Variants in OPHN1 observed in about 807,000 individuals in gnomAD.
The protein encoded by OPHN1 is oligophrenin-1.
OPHN1 carries 11 observed loss-of-function variants against 60.7 expected under a neutral mutation model. That is an observed-to-expected ratio of 0.18 (90% confidence interval 0.11 to 0.30). The LOEUF is 0.30. OPHN1 is among the 10% of genes least tolerant of loss of function. The probability of loss-of-function intolerance (pLI) is 1.00; values close to 1 mark genes in which losing one functional copy is unlikely to be tolerated. For missense variants in OPHN1, 449 were observed against 611.0 expected (o/e 0.73, Z 2.80); for synonymous variants, 226 against 222.6 (o/e 1.02, Z -0.14).
intron 19 of OPHN1, among the ~76,000 whole-genome samples, chrX:68,080,823 G>A (rs181421501): frequency 1.8e-5 from 2 of 111,836 alleles, no homozygotes; most frequent in East Asian, 5.6e-4. Context: ...TCTGTTATAG[G>A]AGGACTTTTC....
chrX:68,265,179 T>C (rs1444382387), intron 5 of OPHN1, among the ~76,000 whole-genome samples: 1 of 111,960 alleles, frequency 8.9e-6, no homozygotes, highest in Non-Finnish European at 1.9e-5. Context: ...TTGAAGAGAC[T>C]AGCAGTTTTC....
intron 19 of OPHN1, among the ~76,000 whole-genome samples, chrX:68,090,082 T>C (rs1355992499): frequency 8.0e-5 from 9 of 112,038 alleles, no homozygotes; most frequent in Admixed American, 7.6e-4. Context: ...TAGAGACTAA[T>C]GAAAATATCC....
intron 3 of OPHN1, among the ~76,000 whole-genome samples, chrX:68,292,815 G>A (rs1256746975): frequency 8.9e-6 from 1 of 111,748 alleles, no homozygotes; most frequent in Non-Finnish European, 1.9e-5. Context: ...GAAGCCCTAT[G>A]CACTCAAGCC....
intron 2 of OPHN1, among the ~76,000 whole-genome samples, chrX:68,317,381 A>AAAGGG (rs2147654365): frequency 2.6e-5 from 2 of 77,094 alleles, no homozygotes; most frequent in East Asian, 3.7e-4. Context: ...GAAAGAAAGG[A>AAAGGG]AGGAAGGAAG....
At position 68,045,352 on chromosome X, in the gene OPHN1, T is replaced by C. The variant is rs1260629365; in HGVS notation, c.*1820A>G. On this transcript the variant is annotated 3_prime_UTR_variant, in exon 25 of 25. Coordinates refer to ENST00000355520, the MANE Select transcript of OPHN1 (RefSeq NM_002547.3). Reference sequence around the variant, plus strand: ...ATGTTCCTAACTCACCAATAAACCATGTTTGGAATTCAGTCTTGAAAATGA... The same window carrying C: ...ATGTTCCTAACTCACCAATAAACCACGTTTGGAATTCAGTCTTGAAAATGA... 2 of 112,398 alleles carry C rather than the reference T, an allele frequency of 1.8e-5. No homozygotes were observed. The highest frequency in any genetic ancestry group is 3.8e-5 in the Non-Finnish European group (2 of 53,263). The allele number at this position is 112,398 out of a possible 1,213,427, so 9.3% of individuals were successfully genotyped here.
chrX:68,234,421 C>A (rs1174342637), intron 6 of OPHN1, 66 bp downstream of exon 6: 1 of 896,917 alleles, frequency 1.1e-6, no homozygotes, highest in Non-Finnish European at 1.6e-6. Flanking sequence ...CCTTGCAGTA[C>A]AAAATTCACA....
At chrX:68,243,364 T>C (rs899137348) in intron 5 of OPHN1, among the ~76,000 whole-genome samples, 6 of 111,317 alleles carry the variant, frequency 5.4e-5, no homozygotes, top group African/African-American at 2.0e-4. Context: ...ATGATTAAAA[T>C]AGCCAATGTT....
At chrX:68,160,840 C>A (rs1035517901) in intron 15 of OPHN1, among the ~76,000 whole-genome samples, 15 of 110,651 alleles carry the variant, frequency 1.4e-4, no homozygotes, top group Non-Finnish European at 2.7e-4. Context: ...AAATCAATCA[C>A]CTAACTTCTT....
intron 2 of OPHN1, among the ~76,000 whole-genome samples, chrX:68,431,650 A>G (rs192397195): frequency 1.9e-5 from 2 of 106,342 alleles, no homozygotes; most frequent in Non-Finnish European, 3.9e-5. Flanking sequence ...CTGGTCTCGA[A>G]CTCCTGATCT....
intron 21 of OPHN1, among the ~76,000 whole-genome samples, chrX:68,058,567 C>G (rs533320839): frequency 9.0e-6 from 1 of 111,312 alleles, no homozygotes; most frequent in South Asian, 3.9e-4. Context: ...AAATATAACT[C>G]TGAACTCTTT....
At chrX:68,340,076 T>C (rs2078343807) in intron 2 of OPHN1, among the ~76,000 whole-genome samples, 1 of 112,091 alleles carries the variant, frequency 8.9e-6, no homozygotes, top group Admixed American at 9.6e-5. Context: ...CCTAAATAAA[T>C]GGAAAGACAT....
intron 21 of OPHN1, among the ~76,000 whole-genome samples, chrX:68,060,716 A>G (rs751474038): frequency 1.8e-5 from 2 of 112,099 alleles, no homozygotes; most frequent in East Asian, 5.6e-4. Flanking sequence ...CACTAATGCA[A>G]TGGAGCCTGT....
chrX:68,233,429 C>G (rs187659857), intron 6 of OPHN1, among the ~76,000 whole-genome samples: 16 of 112,017 alleles, frequency 1.4e-4, no homozygotes, highest in African/African-American at 4.5e-4. Context: ...ATTACTGAAT[C>G]TTTCATTGAA....
chrX:68,127,530 T>C (rs2077176749), intron 15 of OPHN1, among the ~76,000 whole-genome samples: 1 of 111,681 alleles, frequency 9.0e-6, no homozygotes, highest in Non-Finnish European at 1.9e-5. Flanking sequence ...CATGGCTGAT[T>C]TGAAGTGATC....
chrX:68,106,104 A>AAGAGAGAG (rs35438846), intron 18 of OPHN1, among the ~76,000 whole-genome samples: 1 of 96,404 alleles, frequency 1.0e-5, no homozygotes, highest in Admixed American at 1.1e-4. Context: ...AGAGAGAGAG[A>AAGAGAGAG]AGAGAGAGAG....
chrX:68,125,061 C>T (rs2077164614), intron 15 of OPHN1, among the ~76,000 whole-genome samples: 1 of 111,709 alleles, frequency 9.0e-6, no homozygotes, highest in Non-Finnish European at 1.9e-5. Context: ...GAAAACTATA[C>T]AAACACATGG....
At chrX:68,287,146 G>GAAGGAAAGA in intron 3 of OPHN1, among the ~76,000 whole-genome samples, 1 of 52,869 alleles carries the variant, frequency 1.9e-5, no homozygotes, top group East Asian at 4.2e-4. Flanking sequence ...AGGAAGGAAG[G>GAAGGAAAGA]AAGAAAGAAG....
chrX:68,197,042 G>A (rs750997927), intron 12 of OPHN1, 144 bp downstream of exon 12: 3 of 500,944 alleles, frequency 6.0e-6, no homozygotes, highest in African/African-American at 2.3e-5. Flanking sequence ...CCTGCTAAGA[G>A]ATGTGGAAAC....
chrX:68,396,170 T>C (rs1048546232), intron 2 of OPHN1, among the ~76,000 whole-genome samples: 10 of 106,768 alleles, frequency 9.4e-5, no homozygotes, highest in Non-Finnish European at 1.7e-4. Flanking sequence ...TGGCGACTCA[T>C]GCCTGTAATC....
Sources: gnomAD v4.1 joint callset for allele counts (sites outside exome capture counted in the v4.1 genomes callset) on GRCh38, gnomAD v4.1.1 for gene constraint, MANE v1.5 for transcripts, NCBI Gene and HGNC (gene_info 2026-07-23, HGNC 2026-07-21) for gene names.